The following LRCH1 variants were observed in gnomAD, a reference collection of about 807,000 sequenced individuals.
The protein encoded by LRCH1 is leucine rich repeats and calponin homology domain containing 1.
A neutral mutation model predicts 94.9 loss-of-function variants in LRCH1; 23 were observed. The ratio of observed to expected loss-of-function variants is 0.24; its 90% confidence interval spans 0.17 to 0.34. The LOEUF (loss-of-function observed/expected upper bound fraction) is 0.34. Among genes scored for constraint, LRCH1 ranks in the 10% least tolerant of loss-of-function variants. The pLI, the probability that LRCH1 is intolerant of heterozygous loss-of-function variation, is 1.00. For missense variants in LRCH1, 790 were observed against 945.9 expected, an observed-to-expected ratio of 0.84 and a Z score of 2.16; for synonymous variants, 364 against 354.9, an observed-to-expected ratio of 1.03 and a Z score of -0.29.
intron 1 of LRCH1, among the ~76,000 whole-genome samples, chr13:46,645,239 T>C (rs972750286): frequency 3.3e-5 from 5 of 152,232 alleles, no homozygotes; most frequent in African/African-American, 9.6e-5. Context: ...TAGCCCAGAA[T>C]TGAATATTAG....
At position 46,561,325 on chromosome 13, in the gene LRCH1, C is replaced by T. The variant is rs187589865; in HGVS notation, c.307+7622C>T. On this transcript the variant is annotated intron_variant, in intron 1 of 19. Coordinates refer to ENST00000389797, the MANE Select transcript of LRCH1 (RefSeq NM_001164211.2). ...TTCCTTCTGCTGTTTGCTTTTTTCC[C>T]TCAGTCCCTCTGCTGGAGGGGGACC... Among the ~76,000 whole-genome samples the T allele has an allele frequency of 3.8e-3, 586 of 152,260 alleles. 4 individuals carry two copies. The highest frequency in any genetic ancestry group is 0.026 in the South Asian group (125 of 4,824).
chr13:46,733,727 A>G (rs979033012), intron 18 of LRCH1, among the ~76,000 whole-genome samples, 194 bp from the exon 19 acceptor site: 8 of 152,164 alleles, frequency 5.3e-5, no homozygotes, highest in African/African-American at 1.9e-4. Context: ...AGAATCTAAA[A>G]TATTAACAGT....
At chr13:46,718,962 G>A (rs1490189257) in intron 16 of LRCH1, among the ~76,000 whole-genome samples, 1 of 34,856 alleles carries the variant, frequency 2.9e-5, no homozygotes, top group Non-Finnish European at 7.8e-5. Context: ...GCAATTTTTA[G>A]AGCAAAGGGC....
chr13:46,676,145 C>T (rs946882338), intron 3 of LRCH1, among the ~76,000 whole-genome samples: 2 of 152,116 alleles, frequency 1.3e-5, no homozygotes, highest in Admixed American at 6.5e-5. Flanking sequence ...CCTGTAATCT[C>T]AGCTACACAG....
At position 46,657,500 on chromosome 13, in the gene LRCH1, C is replaced by CTTTTTTTTTTTTTTTT. The variant is rs67588975; in HGVS notation, c.452+7182_452+7197dup. 2.5e-3 allele frequency among the ~76,000 whole-genome samples: 29 copies of CTTTTTTTTTTTTTTTT among 11,388 alleles called. 7 individuals carry two copies. Among genetic ancestry groups the CTTTTTTTTTTTTTTTT allele is most frequent in the Non-Finnish European group, 4.1e-3 (25 of 6,140 alleles). The allele number at this position is 11,388 out of a possible 152,430, so 7.5% of individuals were successfully genotyped here. A position where few individuals can be genotyped will look rare whatever the true frequency, so the allele number is the denominator to read the frequency against. On this transcript the variant is annotated intron_variant, in intron 2 of 19. Transcript: ENST00000389797. ...TCATTTTTACTTTTTCTTTTCTTTTCTTTTTTTTTTTTTTTTTTTTTTTTT... is the reference window on the plus strand; with the variant it reads ...TCATTTTTACTTTTTCTTTTCTTTTCTTTTTTTTTTTTTTTTTTTTTTTTTTTTTTTTTTTTTTTTT...
Position 46,699,768 on chromosome 13 carries a change from G to C in LRCH1, c.1313+365G>C, listed in dbSNP as rs533304178. Reference sequence around the variant, plus strand: ...GCGCTGATCTCCTTCTTTACCCCAAGTCATCCCCTTCAAGATCTGAGAACA... The same window carrying C: ...GCGCTGATCTCCTTCTTTACCCCAACTCATCCCCTTCAAGATCTGAGAACA... On this transcript the variant is annotated intron_variant, in intron 10 of 19. Transcript: ENST00000389797. 3.9e-5 allele frequency among the ~76,000 whole-genome samples: 6 copies of C among 152,264 alleles called. No individual in the cohort carries two copies. In the South Asian group the frequency reaches 1.0e-3, roughly 26 times the overall value.
Position 46,553,242 on chromosome 13 carries a change from C to CCCA in LRCH1, c.-155_-154insCCA. 5.3e-6 allele frequency: 3 copies of CCCA among 568,642 alleles called. No individual in the cohort carries two copies. Among genetic ancestry groups the CCCA allele is most frequent in the East Asian group, 3.3e-5 (1 of 30,434 alleles). 35.2% of individuals were successfully genotyped at this position (568,642 alleles called of 1,614,324 possible). A position where few individuals can be genotyped will look rare whatever the true frequency, so the allele number is the denominator to read the frequency against. ...CACGGCCGCCTCCCCGCCCGCCCCC[C>CCCA]ATTCTACGCGCCTGCCCACACCCTC... is the stretch of plus-strand genomic sequence containing the variant. On this transcript the variant is annotated 5_prime_UTR_variant, in exon 1 of 20. Coordinates refer to ENST00000389797, the MANE Select transcript of LRCH1 (RefSeq NM_001164211.2).
intron 18 of LRCH1, among the ~76,000 whole-genome samples, chr13:46,733,120 A>G (rs1457631797): frequency 1.3e-5 from 2 of 152,176 alleles, no homozygotes; most frequent in African/African-American, 2.4e-5. Context: ...TCCTCCACCT[A>G]CAATATTGGA....
chr13:46,668,905 A>ACTT, intron 2 of LRCH1, 125 bp from the exon 3 acceptor site: 4 of 878,082 alleles, frequency 4.6e-6, no homozygotes, highest in Non-Finnish European at 6.9e-6. Flanking sequence ...AATATATTGG[A>ACTT]CTTCTTGTAT....
In LRCH1 at chr13:46,689,350, C is replaced by T. The variant is rs1345802082; in HGVS notation, c.1014+154C>T. On this transcript the variant is annotated intron_variant, in intron 7 of 19. Coordinates refer to ENST00000389797, the MANE Select transcript of LRCH1 (RefSeq NM_001164211.2). ...GTATATTCATGTGATTTGAAATCCT[C>T]GAAGTGTTATATAAATATTAGCTGT... Among the ~76,000 whole-genome samples the T allele has an allele frequency of 3.9e-5, 6 of 152,168 alleles. No homozygotes were observed. In the East Asian group the frequency reaches 7.7e-4, roughly 20 times the overall value.
Position 46,607,897 on chromosome 13 carries a change from G to T in LRCH1, c.308-42304G>T, listed in dbSNP as rs549980740. On this transcript the variant is annotated intron_variant, in intron 1 of 19. Transcript: ENST00000389797. ...TGGGAAGGATCTGCAATGCTTAGTG[G>T]GGCTGTTCATCTCTAATATAGTTAA... is the stretch of plus-strand genomic sequence containing the variant. 6.8e-4 allele frequency among the ~76,000 whole-genome samples: 104 copies of T among 152,140 alleles called. 1 individual carries two copies. The highest frequency in any genetic ancestry group is 3.4e-3 in the Middle Eastern group (1 of 294).
In LRCH1 at chr13:46,744,080, A is replaced by G. The variant is rs1873800456; in HGVS notation, c.*2232A>G. The G allele has an allele frequency of 1.0e-6, 1 of 985,310 alleles. No homozygotes were observed. Among genetic ancestry groups the G allele is most frequent in the Non-Finnish European group, 1.2e-6 (1 of 829,904 alleles). 61.0% of individuals were successfully genotyped at this position (985,310 alleles called of 1,614,324 possible). On this transcript the variant is annotated 3_prime_UTR_variant, in exon 20 of 20. Coordinates refer to ENST00000389797, the MANE Select transcript of LRCH1 (RefSeq NM_001164211.2). ...GAATGAACTGTTCTGTCCATTGCCA[A>G]CCCATTAATTTCTAATCAGAATATT...
chr13:46,554,169 G>A (rs2050036845), intron 1 of LRCH1, among the ~76,000 whole-genome samples: 1 of 152,268 alleles, frequency 6.6e-6, no homozygotes, highest in African/African-American at 2.4e-5. Flanking sequence ...TCGAGGCGTA[G>A]CCCATCCTGG....
intron 4 of LRCH1, 59 bp downstream of exon 4, chr13:46,681,905 G>C: frequency 9.1e-7 from 1 of 1,103,018 alleles, no homozygotes; most frequent in Non-Finnish European, 1.3e-6. Context: ...TTATGTTTTG[G>C]GGGGTTTACT....
At chr13:46,748,305 T>G (rs1873991477), downstream of LRCH1, among the ~76,000 whole-genome samples, 1 of 152,088 alleles carries the variant, frequency 6.6e-6, no homozygotes, top group Non-Finnish European at 1.5e-5. Context: ...TTCAACTCTT[T>G]ATTTGATTTC....
intron 4 of LRCH1, among the ~76,000 whole-genome samples, chr13:46,685,680 A>G (rs1447110266): frequency 6.6e-6 from 1 of 152,196 alleles, no homozygotes; most frequent in Non-Finnish European, 1.5e-5. Flanking sequence ...TTTTATCAGA[A>G]CTAACAACAA....
At chr13:46,701,051 T>G in intron 10 of LRCH1, 70 bp from the exon 11 acceptor site, 2 of 967,176 alleles carry the variant, frequency 2.1e-6, no homozygotes, top group South Asian at 1.4e-5. Flanking sequence ...TAAGTTTGCT[T>G]TTTAAGAAAT....
At chr13:46,647,794 C>CTT (rs10718141) in intron 1 of LRCH1, among the ~76,000 whole-genome samples, 5 of 126,860 alleles carry the variant, frequency 3.9e-5, no homozygotes, top group Admixed American at 8.0e-5. Flanking sequence ...AGGTAGTCAT[C>CTT]TTTTTTTTTT....
chr13:46,604,584 C>T (rs764214771), intron 1 of LRCH1, among the ~76,000 whole-genome samples: 2 of 152,184 alleles, frequency 1.3e-5, no homozygotes, highest in African/African-American at 2.4e-5. Flanking sequence ...GTATCTGGAG[C>T]GGAGCAGGCA....
Sources: allele counts gnomAD v4.1 joint callset (sites outside exome capture counted in the v4.1 genomes callset), GRCh38; gene constraint gnomAD v4.1.1; transcripts MANE v1.5; gene names NCBI Gene and HGNC (gene_info 2026-07-23, HGNC 2026-07-21).